Variants in NUP210L observed in about 807,000 individuals in gnomAD.
NUP210L encodes the protein nucleoporin 210 like.
Under a neutral mutation model 208.5 loss-of-function variants are expected in NUP210L, and 74 were observed. The ratio of observed to expected loss-of-function variants is 0.35; its 90% CI spans 0.29 to 0.43. The LOEUF (loss-of-function observed/expected upper bound fraction) is 0.43, where lower values mean the gene tolerates loss of function less well. NUP210L is among the 20% of genes least tolerant of loss of function. NUP210L has a pLI of 1.00. For synonymous variants in NUP210L, 780 were observed against 816.9 expected (o/e 0.95, Z 0.77); for missense variants, 1,843 against 2,289.4 (o/e 0.81, Z 3.98).
intron 12 of NUP210L, among the ~76,000 whole-genome samples, chr1:154,110,794 C>T (rs1657000225): frequency 6.6e-6 from 1 of 151,098 alleles, no homozygotes; most frequent in South Asian, 2.1e-4. Flanking sequence ...TGGAAGATAA[C>T]TTGGGCCTGG....
rs754016883 is a variant in NUP210L, at chr1:154,022,349, A to G, written c.4299-6T>C. ...CAATATGCAGCAAGTCATCTCTGCA[A>G]GTAGACATTAAAGGTAGAAATCTTT... On this transcript the variant is annotated splice_region_variant and splice_polypyrimidine_tract_variant and intron_variant, in intron 31 of 39. Transcript: ENST00000368559. 2 of 1,606,156 alleles carry G rather than the reference A, an allele frequency of 1.2e-6. No individual in the cohort carries two copies. Among genetic ancestry groups the G allele is most frequent in the African/African-American group, 1.3e-5 (1 of 74,874 alleles).
chr1:154,029,441 C>T (rs1309353652), intron 28 of NUP210L, among the ~76,000 whole-genome samples: 11 of 148,930 alleles, frequency 7.4e-5, no homozygotes, highest in South Asian at 2.1e-4. Flanking sequence ...CAGTGGCTCA[C>T]GCCTGTAATC....
intron 16 of NUP210L, among the ~76,000 whole-genome samples, chr1:154,076,102 CTT>C (rs60524355): frequency 0.23 from 26,612 of 117,452 alleles, 2,415 homozygotes; most frequent in Admixed American, 0.33. Flanking sequence ...ACAAAGACTT[CTT>C]TTTTTTTTTT....
exon 2 of NUP210L, chr1:154,152,864 G>A (rs1659470200): frequency 6.2e-7 from 1 of 1,613,894 alleles, no homozygotes; most frequent in Non-Finnish European, 8.5e-7. Context: ...ATCATGATGG[G>A]TGGAATGCCT....
intron 27 of NUP210L, among the ~76,000 whole-genome samples, chr1:154,043,472 A>C (rs1343147909): frequency 6.6e-6 from 1 of 151,004 alleles, no homozygotes; most frequent in Non-Finnish European, 1.5e-5. Context: ...GCGCCACCAC[A>C]CCCGGCTAAT....
intron 24 of NUP210L, 141 bp from the exon 25 acceptor site, chr1:154,054,548 G>A: frequency 1.2e-6 from 1 of 815,828 alleles, no homozygotes; most frequent in East Asian, 2.7e-5. Flanking sequence ...CTCAAATGCA[G>A]AAGAAATGGA....
chr1:154,032,170 A>G (rs1652264287), intron 27 of NUP210L, among the ~76,000 whole-genome samples: 1 of 152,182 alleles, frequency 6.6e-6, no homozygotes, highest in Non-Finnish European at 1.5e-5. Flanking sequence ...AATATGAGAG[A>G]GCAGATACCT....
chr1:154,040,761 T>C (rs1230811855), intron 27 of NUP210L, among the ~76,000 whole-genome samples: 1 of 151,866 alleles, frequency 6.6e-6, no homozygotes, highest in Non-Finnish European at 1.5e-5. Flanking sequence ...TAAATTTTTT[T>C]TTATTGTTTT....
chr1:154,061,359 C>T (rs1352460360), intron 18 of NUP210L, among the ~76,000 whole-genome samples: 4 of 151,832 alleles, frequency 2.6e-5, no homozygotes, highest in African/African-American at 9.7e-5. Flanking sequence ...TCCTGGGTGA[C>T]AGAGCGAGAC....
chr1:154,071,283 A>T (rs1557955799), intron 16 of NUP210L, among the ~76,000 whole-genome samples: 2 of 151,340 alleles, frequency 1.3e-5, no homozygotes, highest in Non-Finnish European at 2.9e-5. Flanking sequence ...AATTTTTATT[A>T]ATTTTAATTT....
chr1:154,103,506 A>G (rs1656580127), intron 13 of NUP210L, among the ~76,000 whole-genome samples: 1 of 150,800 alleles, frequency 6.6e-6, no homozygotes, highest in Non-Finnish European at 1.5e-5. Flanking sequence ...CCCCGTCTCT[A>G]CTAAAAATAC....
chr1:154,036,366 CTTTTTTT>C (rs34750631), intron 27 of NUP210L, among the ~76,000 whole-genome samples: 1 of 65,464 alleles, frequency 1.5e-5, no homozygotes, highest in Non-Finnish European at 3.0e-5. Context: ...GTGTGTATAA[CTTTTTTT>C]TTTTTTTTTT....
chr1:154,039,525 C>G (rs10908627), intron 27 of NUP210L, among the ~76,000 whole-genome samples: 1 of 151,900 alleles, frequency 6.6e-6, no homozygotes, highest in Non-Finnish European at 1.5e-5. Flanking sequence ...CGTGAGCCAC[C>G]GCACCTGGCC....
intron 5 of NUP210L, 115 bp downstream of exon 5, chr1:154,139,687 C>CAAACA: frequency 1.8e-6 from 1 of 543,896 alleles, no homozygotes; most frequent in Non-Finnish European, 3.1e-6. Context: ...AACAAACAAA[C>CAAACA]AAAAAAAAAA....
exon 13 of NUP210L, chr1:154,104,079 T>G (rs1280698347): frequency 1.2e-6 from 2 of 1,614,178 alleles, no homozygotes; most frequent in Non-Finnish European, 1.7e-6. Flanking sequence ...GAGAGCAGTC[T>G]GTGAATGCCA....
chr1:154,007,021 T>A (rs1386312003), intron 35 of NUP210L, among the ~76,000 whole-genome samples: 4 of 143,104 alleles, frequency 2.8e-5, no homozygotes, highest in African/African-American at 1.0e-4. Flanking sequence ...TGGAGTGCAA[T>A]GGCATGATCT....
intron 4 of NUP210L, 120 bp from the exon 5 acceptor site, chr1:154,140,072 TG>T: frequency 1.3e-6 from 1 of 779,264 alleles, no homozygotes; most frequent in South Asian, 1.9e-5. Context: ...CACTTTTGAC[TG>T]GGCATGGTAG....
intron 16 of NUP210L, among the ~76,000 whole-genome samples, chr1:154,073,814 C>CAATA (rs3073948): frequency 0.34 from 45,086 of 130,766 alleles, 8,017 homozygotes; most frequent in Non-Finnish European, 0.39. Context: ...GACTCTGTCT[C>CAATA]AATAAATAAA....
chr1:154,054,986 G>C (rs1050777776), intron 23 of NUP210L, among the ~76,000 whole-genome samples, 154 bp from the exon 24 acceptor site: 2 of 151,078 alleles, frequency 1.3e-5, no homozygotes, highest in African/African-American at 2.4e-5. Flanking sequence ...CTGCAGCCTT[G>C]AACTCCTGGG....
Sources: allele counts gnomAD v4.1 joint callset (sites outside exome capture counted in the v4.1 genomes callset), GRCh38; gene constraint gnomAD v4.1.1; transcripts MANE v1.5; gene names NCBI Gene and HGNC (gene_info 2026-07-23, HGNC 2026-07-21).